The following ZSCAN25 variants were observed in gnomAD, a reference collection of about 807,000 sequenced individuals.
The protein encoded by ZSCAN25 is zinc finger and SCAN domain containing 25.
Under a neutral mutation model 38.7 loss-of-function variants are expected in ZSCAN25, and 27 were observed. That is an observed-to-expected ratio of 0.70 (90% CI 0.51 to 0.96). The LOEUF is 0.96. Ranked by LOEUF, ZSCAN25 falls within the 40% of genes least tolerant of loss-of-function variation. ZSCAN25 has a pLI of 0.00. For missense variants in ZSCAN25, 637 were observed against 705.9 expected, an observed-to-expected ratio of 0.90 and a Z score of 1.11; for synonymous variants, 273 against 277.7, an observed-to-expected ratio of 0.98 and a Z score of 0.17.
chr7:99,708,935 C>T, the ZSCAN25 span: 1 of 1,347,478 alleles, frequency 7.4e-7, no homozygotes, highest in African/African-American at 1.4e-5. Flanking sequence ...CATAAAAAGA[C>T]AAGCAAACGA....
chr7:99,634,794 C>G (rs1230047311), downstream of ZSCAN25, among the ~76,000 whole-genome samples: 1 of 151,938 alleles, frequency 6.6e-6, no homozygotes, highest in African/African-American at 2.4e-5. Context: ...GAGACTCCGT[C>G]TCAAAAACAA....
chr7:99,671,770 C>G, the ZSCAN25 span: 2 of 701,768 alleles, frequency 2.8e-6, no homozygotes, highest in African/African-American at 3.5e-5. Flanking sequence ...TGATATAGAA[C>G]CTGTCAGAGA....
At chr7:99,621,746 C>A in intron 5 of ZSCAN25, 172 bp downstream of exon 5, 1 of 465,790 alleles carries the variant, frequency 2.1e-6, no homozygotes. Context: ...ATTGTTTCTT[C>A]TCCCTTTACC....
the ZSCAN25 span, chr7:99,665,464 C>T: frequency 2.5e-6 from 3 of 1,211,984 alleles, no homozygotes; most frequent in Non-Finnish European, 2.3e-6. Context: ...CATCTACTCC[C>T]TCAGAAGGTG....
At chr7:99,735,824 C>T in the ZSCAN25 span, among the ~76,000 whole-genome samples, 6 of 152,322 alleles carry the variant, frequency 3.9e-5, no homozygotes, top group African/African-American at 1.2e-4. Flanking sequence ...GCTCTGGTCC[C>T]TATCAGGGTG....
chr7:99,683,332 G>GT, the ZSCAN25 span, among the ~76,000 whole-genome samples: 23 of 152,060 alleles, frequency 1.5e-4, no homozygotes, highest in Admixed American at 7.9e-4. Flanking sequence ...GGGAGTATAT[G>GT]TTTTTTTGTA....
At chr7:99,622,474 G>A (rs73713530) in intron 5 of ZSCAN25, 75 bp from the exon 6 acceptor site, 2 of 1,357,800 alleles carry the variant, frequency 1.5e-6, no homozygotes, top group Non-Finnish European at 2.1e-6. Flanking sequence ...TCTGGTAGGG[G>A]ACACATTTGA....
At chr7:99,730,019 C>A in the ZSCAN25 span, among the ~76,000 whole-genome samples, 2 of 152,170 alleles carry the variant, frequency 1.3e-5, no homozygotes, top group Non-Finnish European at 2.9e-5. Context: ...CTTAGGAGAA[C>A]TAGAATCTGA....
chr7:99,700,126 C>T, the ZSCAN25 span: 1 of 865,106 alleles, frequency 1.2e-6, no homozygotes, highest in Non-Finnish European at 1.9e-6. Flanking sequence ...CATCCCTGCC[C>T]TGCACAGCAG....
At chr7:99,694,741 G>T in the ZSCAN25 span, among the ~76,000 whole-genome samples, 1 of 138,320 alleles carries the variant, frequency 7.2e-6, no homozygotes, top group East Asian at 2.1e-4. Flanking sequence ...AGGTATGCGG[G>T]AAAGATGATC....
chr7:99,714,526 A>G, the ZSCAN25 span: 2 of 1,610,396 alleles, frequency 1.2e-6, no homozygotes, highest in East Asian at 2.2e-5. Flanking sequence ...AAAACTAAAC[A>G]TCCTCCTATA....
chr7:99,686,760 C>CG, the ZSCAN25 span, among the ~76,000 whole-genome samples: 849 of 152,174 alleles, frequency 5.6e-3, 8 homozygotes, highest in African/African-American at 0.018. Flanking sequence ...ACCCCCCCCC[C>CG]AGTAGGGGCA....
At chr7:99,621,633 A>C (rs775697942) in intron 5 of ZSCAN25, 59 bp downstream of exon 5, 9 of 1,257,254 alleles carry the variant, frequency 7.2e-6, no homozygotes, top group Non-Finnish European at 9.1e-6. Flanking sequence ...TGTGCAGCCA[A>C]CTCTCTTCAG....
chr7:99,659,706 G>C, the ZSCAN25 span: 1 of 152,566 alleles, frequency 6.6e-6, no homozygotes, highest in Non-Finnish European at 1.5e-5. Flanking sequence ...ACCTCCTTGA[G>C]CTGCGGTGGG....
chr7:99,717,212 C>T, the ZSCAN25 span: 1 of 1,613,942 alleles, frequency 6.2e-7, no homozygotes, highest in Non-Finnish European at 8.5e-7. Context: ...TCTCTGCTTC[C>T]CGCCTCAGAT....
the ZSCAN25 span, chr7:99,679,760 G>A: frequency 9.8e-5 from 146 of 1,495,274 alleles, no homozygotes; most frequent in African/African-American, 1.1e-3. Context: ...ACAGATAAGG[G>A]AAAAGGGGCC....
the ZSCAN25 span, among the ~76,000 whole-genome samples, chr7:99,697,677 A>T: frequency 6.6e-6 from 1 of 152,210 alleles, no homozygotes; most frequent in Non-Finnish European, 1.5e-5. Context: ...ATTCTGTACA[A>T]ATCCAGTGAC....
chr7:99,699,938 G>A, the ZSCAN25 span: 5 of 1,505,264 alleles, frequency 3.3e-6, no homozygotes, highest in Admixed American at 1.7e-5. Flanking sequence ...AGTTAACAGA[G>A]GAGAGGAATC....
At chr7:99,705,132 C>T in the ZSCAN25 span, 5 of 247,064 alleles carry the variant, frequency 2.0e-5, no homozygotes, top group South Asian at 1.6e-4. Flanking sequence ...ACTGTTAGAG[C>T]CATCAAAATA....
Sources: allele counts gnomAD v4.1 joint callset (sites outside exome capture counted in the v4.1 genomes callset), GRCh38; gene constraint gnomAD v4.1.1; transcripts MANE v1.5; gene names NCBI Gene and HGNC (gene_info 2026-07-23, HGNC 2026-07-21).